DAPK1: variants seen among roughly 807,000 people sequenced by gnomAD.
DAPK1 encodes the protein death associated protein kinase 1.
A neutral mutation model predicts 144.9 loss-of-function variants in DAPK1; 56 were observed. The ratio of observed to expected loss-of-function variants is 0.39; its 90% CI spans 0.31 to 0.48. DAPK1 has a LOEUF of 0.48. Among genes scored for constraint, DAPK1 ranks in the 20% least tolerant of loss-of-function variants. The pLI, the probability that DAPK1 is intolerant of heterozygous loss-of-function variation, is 0.95. For missense variants in DAPK1, 1,454 were observed against 1,875.4 expected, an observed-to-expected ratio of 0.78 and a Z score of 4.15; for synonymous variants, 690 against 749.0, an observed-to-expected ratio of 0.92 and a Z score of 1.29.
intron 17 of DAPK1, among the ~76,000 whole-genome samples, chr9:87,652,076 C>T (rs1215969206): frequency 6.1e-5 from 9 of 148,412 alleles, no homozygotes; most frequent in African/African-American, 2.0e-4. Flanking sequence ...CTCACCTGAA[C>T]CCGGGTCCTG....
intron 2 of DAPK1, among the ~76,000 whole-genome samples, chr9:87,537,614 A>AGT (rs34133337): frequency 0.9 from 136,323 of 151,850 alleles, 61,377 homozygotes; most frequent in African/African-American, 0.97. Flanking sequence ...ATACATGGTA[A>AGT]GTAGATATAT....
chr9:87,590,682 G>C (rs1828101186), intron 2 of DAPK1, among the ~76,000 whole-genome samples: 1 of 152,084 alleles, frequency 6.6e-6, no homozygotes. Context: ...GTAGCACCCG[G>C]GCTCAAGCCA....
chr9:87,498,131 C>A, intron 1 of DAPK1, 24 bp downstream of exon 1: 1 of 397,362 alleles, frequency 2.5e-6, no homozygotes, highest in South Asian at 1.4e-4. Flanking sequence ...CGCGGCTCCC[C>A]GGTCCCCCCG....
intron 3 of DAPK1, among the ~76,000 whole-genome samples, chr9:87,629,377 A>C (rs938368260): frequency 1.3e-5 from 2 of 152,240 alleles, no homozygotes; most frequent in Non-Finnish European, 2.9e-5. Flanking sequence ...TCCAAGCTTT[A>C]GAGGGAGCAT....
rs778980206 is a variant in DAPK1 at position 87,658,124 on chromosome 9, C to T, written c.1920C>T (p.Thr640=). 4.6e-6 allele frequency: 6 copies of T among 1,308,674 alleles called. No homozygotes were observed. Among genetic ancestry groups the T allele is most frequent in the South Asian group, 1.2e-5 (1 of 83,638 alleles). The allele number at this position is 1,308,674 out of a possible 1,614,324, so 81.1% of individuals were successfully genotyped here. ...TGGGAGCCAGCGTTGAGGCGCTGAC[C>T]ACGGTGAGTGCCCACAGGGCTTCGT... ...CLMGASVEAL[T]TDGKTAEDLA... is the part of the protein sequence containing the mutation. Residue 640 remains threonine (T), a synonymous_variant, in exon 18 of 26, where the codon ACC becomes ACT. Transcript: ENST00000408954.
At chr9:87,519,082 T>C (rs1222469903) in intron 2 of DAPK1, among the ~76,000 whole-genome samples, 1 of 152,178 alleles carries the variant, frequency 6.6e-6, no homozygotes, top group African/African-American at 2.4e-5. Context: ...CTTGGGGCCC[T>C]GTGCCCAGTC....
rs1483077883 is a variant in DAPK1 at position 87,642,179 on chromosome 9, TC to T, written c.918+123del. 4.9e-5 allele frequency: 37 copies of T among 757,532 alleles called. No individual in the cohort carries two copies. The African/African-American group carries it at 6.3e-4, about 13-fold the overall frequency. 46.9% of individuals were successfully genotyped at this position (757,532 alleles called of 1,614,324 possible). On this transcript the variant is annotated intron_variant, in intron 10 of 25. Transcript: ENST00000408954. Reference sequence around the variant, plus strand: ...AAGATACATCCTTTCCTCTTTTTAATCCACCCTGTAGTGTTCTGCACCATTA... The same window carrying T: ...AAGATACATCCTTTCCTCTTTTTAATCACCCTGTAGTGTTCTGCACCATTA...
rs775131243 is a variant in DAPK1, at chr9:87,703,089, A to C, written c.2932A>C (p.Lys978Gln). Residue 978 changes from lysine (K) to glutamine (Q), a missense_variant, in exon 25 of 26, where the codon AAG becomes CAG. This residue lies in a region of DAPK1 where 1,025 missense variants were observed against 1,237.9 expected (regional missense o/e 0.83). Transcript: ENST00000408954. Reference protein sequence around the residue: ...KIISTLPSWRKLNGPNQLMSL... With the variant: ...KIISTLPSWRQLNGPNQLMSL... ...CATCTCCACGCTGCCTTCCTGGAGG[A>C]AGCTCAATGGACCCAACCAGCTGAT... 3.1e-6 allele frequency: 5 copies of C among 1,599,278 alleles called. No homozygotes were observed. In the Admixed American group the frequency reaches 8.3e-5, roughly 27 times the overall value.
At chr9:87,592,514 G>A (rs1276147642) in intron 2 of DAPK1, among the ~76,000 whole-genome samples, 1 of 152,184 alleles carries the variant, frequency 6.6e-6, no homozygotes, top group Admixed American at 6.5e-5. Flanking sequence ...AACCGCATTC[G>A]CACAAATTGT....
At chr9:87,502,729 C>T (rs930432972) in intron 2 of DAPK1, among the ~76,000 whole-genome samples, 3 of 152,186 alleles carry the variant, frequency 2.0e-5, no homozygotes, top group Non-Finnish European at 2.9e-5. Flanking sequence ...CTCTGAGACT[C>T]TCTTTGTCCA....
chr9:87,649,640 G>A (rs1183833337), intron 15 of DAPK1, among the ~76,000 whole-genome samples: 1 of 152,206 alleles, frequency 6.6e-6, no homozygotes, highest in East Asian at 1.9e-4. Flanking sequence ...AAAGTCAATT[G>A]TCAGTCATAT....
At chr9:87,558,286 G>T (rs1487291283) in intron 2 of DAPK1, among the ~76,000 whole-genome samples, 1 of 152,084 alleles carries the variant, frequency 6.6e-6, no homozygotes, top group Non-Finnish European at 1.5e-5. Context: ...AGCATCCCAG[G>T]AGCTATTTAC....
intron 2 of DAPK1, among the ~76,000 whole-genome samples, chr9:87,598,747 G>A (rs986037275): frequency 4.6e-5 from 7 of 152,170 alleles, no homozygotes; most frequent in African/African-American, 1.7e-4. Context: ...AGAACTGACT[G>A]GATTAAACAA....
chr9:87,579,953 AATGTGTGTTAAGTGTCTGGAAGCCC>A (rs1300023330), intron 2 of DAPK1, among the ~76,000 whole-genome samples: 1 of 152,136 alleles, frequency 6.6e-6, no homozygotes, highest in Non-Finnish European at 1.5e-5. Context: ...ATAACACAGG[AATGTGTGTTAAGTGTCTGGAAGCCC>A]AAGTGGTGGC....
chr9:87,659,841 C>G (rs180920637), intron 18 of DAPK1, among the ~76,000 whole-genome samples: 1 of 150,930 alleles, frequency 6.6e-6, no homozygotes, highest in Admixed American at 6.6e-5. Flanking sequence ...GCAGTCACTC[C>G]GCACACACCG....
At chr9:87,578,354 C>G (rs1286911845) in intron 2 of DAPK1, among the ~76,000 whole-genome samples, 1 of 152,188 alleles carries the variant, frequency 6.6e-6, no homozygotes, top group Non-Finnish European at 1.5e-5. Context: ...AAGCTGGCAT[C>G]AGATTGTACT....
intron 2 of DAPK1, among the ~76,000 whole-genome samples, chr9:87,530,273 G>T (rs753372204): frequency 1.3e-5 from 2 of 152,226 alleles, no homozygotes; most frequent in African/African-American, 2.4e-5. Context: ...TCCTGGGGAA[G>T]CAGTTGAGAG....
At chr9:87,511,385 G>T (rs933885705) in intron 2 of DAPK1, among the ~76,000 whole-genome samples, 1 of 152,162 alleles carries the variant, frequency 6.6e-6, no homozygotes, top group African/African-American at 2.4e-5. Flanking sequence ...AGCTTCAAGG[G>T]ATACCCTTTT....
intron 2 of DAPK1, among the ~76,000 whole-genome samples, chr9:87,526,039 G>A (rs1468301756): frequency 6.6e-6 from 1 of 151,712 alleles, no homozygotes; most frequent in African/African-American, 2.4e-5. Flanking sequence ...TAGGAGTGGT[G>A]TCTCATGCCT....
Sources: gnomAD v4.1 joint callset for allele counts (sites outside exome capture counted in the v4.1 genomes callset) on GRCh38, gnomAD v4.1.1 for gene constraint, gnomAD v4.1.1 regional missense constraint, MANE v1.5 for transcripts, NCBI Gene and HGNC (gene_info 2026-07-23, HGNC 2026-07-21) for gene names.